KCNIP4: variants seen among roughly 807,000 people sequenced by gnomAD.
KCNIP4 encodes potassium voltage-gated channel interacting protein 4.
In KCNIP4, 12 loss-of-function variants were observed where a neutral mutation model predicts 34.0. That is an observed-to-expected ratio of 0.35 (90% CI 0.23 to 0.57). The LOEUF (loss-of-function observed/expected upper bound fraction) is 0.57. Among genes scored for constraint, KCNIP4 ranks in the 20% least tolerant of loss-of-function variants. The probability of loss-of-function intolerance (pLI) is 0.83; values close to 1 mark genes in which losing one functional copy is unlikely to be tolerated. For synonymous variants in KCNIP4, 124 were observed against 102.2 expected (o/e 1.21, Z -1.29); for missense variants, 238 against 311.7 (o/e 0.76, Z 1.78).
intron 1 of KCNIP4, among the ~76,000 whole-genome samples, chr4:21,336,376 G>A (rs1228973612): frequency 2.0e-5 from 3 of 151,772 alleles, no homozygotes; most frequent in African/African-American, 7.3e-5. Flanking sequence ...TCATTACCTA[G>A]GAATGAAATT....
At chr4:21,914,474 C>T (rs1010207100) in intron 1 of KCNIP4, among the ~76,000 whole-genome samples, 2 of 152,144 alleles carry the variant, frequency 1.3e-5, no homozygotes, top group Non-Finnish European at 2.9e-5. Flanking sequence ...TCTGTCAGCC[C>T]CTGGACATGC....
At chr4:20,945,206 G>T (rs1323550339) in intron 1 of KCNIP4, among the ~76,000 whole-genome samples, 1 of 152,152 alleles carries the variant, frequency 6.6e-6, no homozygotes, top group African/African-American at 2.4e-5. Context: ...CTGATTCAGG[G>T]CAGCAATCTA....
At chr4:21,749,387 A>G (rs1463907515) in intron 1 of KCNIP4, among the ~76,000 whole-genome samples, 1 of 152,138 alleles carries the variant, frequency 6.6e-6, no homozygotes, top group Non-Finnish European at 1.5e-5. Flanking sequence ...GCTGTCTTTC[A>G]GTGGGTCTAC....
At chr4:21,153,891 G>A (rs1192939166) in intron 1 of KCNIP4, among the ~76,000 whole-genome samples, 2 of 151,824 alleles carry the variant, frequency 1.3e-5, no homozygotes, top group East Asian at 3.9e-4. Flanking sequence ...TGGTCAGGTA[G>A]TGCTCTAAGT....
At chr4:20,801,573 G>C (rs1303004278) in intron 3 of KCNIP4, among the ~76,000 whole-genome samples, 1 of 152,080 alleles carries the variant, frequency 6.6e-6, no homozygotes, top group Non-Finnish European at 1.5e-5. Context: ...TAAAAGTCTA[G>C]AGTTTTTGTA....
At chr4:21,617,950 T>G (rs1188682669) in intron 1 of KCNIP4, among the ~76,000 whole-genome samples, 1 of 152,190 alleles carries the variant, frequency 6.6e-6, no homozygotes, top group African/African-American at 2.4e-5. Context: ...TTGAGAAAAT[T>G]ATTTATAAAA....
chr4:21,233,144 A>G (rs533852854), intron 1 of KCNIP4, among the ~76,000 whole-genome samples: 4 of 152,190 alleles, frequency 2.6e-5, no homozygotes, highest in African/African-American at 4.8e-5. Flanking sequence ...CCTGAAATGC[A>G]AAGAACAGAG....
intron 1 of KCNIP4, among the ~76,000 whole-genome samples, chr4:21,920,957 CT>C (rs1303856340): frequency 4.6e-5 from 7 of 152,116 alleles, no homozygotes; most frequent in Non-Finnish European, 1.5e-5. Context: ...GTTTTACAGA[CT>C]TTTAGAATGC....
chr4:21,393,541 T>A (rs1222554937), intron 1 of KCNIP4, among the ~76,000 whole-genome samples: 1 of 152,202 alleles, frequency 6.6e-6, no homozygotes, highest in East Asian at 1.9e-4. Context: ...AAATCTGTGA[T>A]GCAAGGATTT....
At chr4:20,929,912 A>C (rs1332241725) in intron 1 of KCNIP4, among the ~76,000 whole-genome samples, 1 of 152,054 alleles carries the variant, frequency 6.6e-6, no homozygotes, top group Admixed American at 6.6e-5. Context: ...TCATGAATCA[A>C]AAAATTTAAC....
intron 1 of KCNIP4, among the ~76,000 whole-genome samples, chr4:20,951,081 A>AAGAAGACAC (rs1461390018): frequency 6.6e-6 from 1 of 152,094 alleles, no homozygotes; most frequent in African/African-American, 2.4e-5. Context: ...GTATCTTTAT[A>AAGAAGACAC]AGAAGACACG....
rs535675099 is a variant in KCNIP4 at position 20,782,264 on chromosome 4, G to C, written c.289-23374C>G. Among the ~76,000 whole-genome samples the C allele has an allele frequency of 1.4e-4, 22 of 152,184 alleles. No homozygotes were observed. In the East Asian group the frequency reaches 4.3e-3, roughly 30 times the overall value. ...TTCCAGGTACATGGTGCCAGCTGTA[G>C]GTGGATCTACCTACAGCTGGGGTCT... On this transcript the variant is annotated intron_variant, in intron 3 of 8. Coordinates refer to ENST00000382152, the MANE Select transcript of KCNIP4 (RefSeq NM_025221.6).
chr4:21,365,415 G>A (rs1343342483), intron 1 of KCNIP4, among the ~76,000 whole-genome samples: 4 of 150,564 alleles, frequency 2.7e-5, no homozygotes, highest in African/African-American at 9.8e-5. Flanking sequence ...AACCTGAAGG[G>A]TGCAGTGAGC....
At chr4:20,966,374 A>G (rs975747391) in intron 1 of KCNIP4, among the ~76,000 whole-genome samples, 3 of 152,214 alleles carry the variant, frequency 2.0e-5, no homozygotes, top group Non-Finnish European at 2.9e-5. Context: ...TGTCTGGGGA[A>G]AGTACTTGAT....
chr4:20,781,649 A>G (rs1756883292), intron 3 of KCNIP4, among the ~76,000 whole-genome samples: 1 of 152,184 alleles, frequency 6.6e-6, no homozygotes, highest in South Asian at 2.1e-4. Context: ...CAGTATGGGG[A>G]AAACCACCCC....
intron 1 of KCNIP4, among the ~76,000 whole-genome samples, chr4:21,384,038 G>A (rs559864297): frequency 3.9e-5 from 6 of 151,926 alleles, no homozygotes; most frequent in South Asian, 2.1e-4. Context: ...AGAGCACGCC[G>A]AGCTCAGTCC....
At chr4:21,709,079 A>G (rs1713510330) in intron 1 of KCNIP4, among the ~76,000 whole-genome samples, 1 of 152,166 alleles carries the variant, frequency 6.6e-6, no homozygotes, top group Non-Finnish European at 1.5e-5. Flanking sequence ...TATATTTTTT[A>G]AGGGAGAGGC....
At chr4:20,900,634 C>T (rs897658827) in intron 1 of KCNIP4, among the ~76,000 whole-genome samples, 1 of 152,132 alleles carries the variant, frequency 6.6e-6, no homozygotes, top group Admixed American at 6.6e-5. Flanking sequence ...GAGACAAGCA[C>T]GTTCAGAAAA....
chr4:21,464,303 G>A (rs1369003052), intron 1 of KCNIP4, among the ~76,000 whole-genome samples: 1 of 151,704 alleles, frequency 6.6e-6, no homozygotes, highest in East Asian at 1.9e-4. Context: ...TTAGATTATT[G>A]ACTTGAGATG....
Sources: allele counts gnomAD v4.1 joint callset (sites outside exome capture counted in the v4.1 genomes callset), GRCh38; gene constraint gnomAD v4.1.1; transcripts MANE v1.5; gene names NCBI Gene and HGNC (gene_info 2026-07-23, HGNC 2026-07-21).